ARHGAP24: variants seen among roughly 807,000 people sequenced by gnomAD.
ARHGAP24 encodes rho GTPase-activating protein 24.
Under a neutral mutation model 76.4 loss-of-function variants are expected in ARHGAP24, and 50 were observed. The ratio of observed to expected loss-of-function variants is 0.65; its 90% CI spans 0.52 to 0.83. ARHGAP24 has a LOEUF of 0.83. ARHGAP24 is among the 40% of genes least tolerant of loss of function. The pLI is 0.00. For missense variants in ARHGAP24, 930 were observed against 914.2 expected, an observed-to-expected ratio of 1.02 and a Z score of -0.22; for synonymous variants, 345 against 323.3, an observed-to-expected ratio of 1.07 and a Z score of -0.72.
chr4:85,859,232 C>CAT (rs1394167426), intron 3 of ARHGAP24, among the ~76,000 whole-genome samples: 1 of 151,620 alleles, frequency 6.6e-6, no homozygotes, highest in East Asian at 1.9e-4. Flanking sequence ...CACACACACA[C>CAT]ACACACACAC....
chr4:85,626,534 G>C (rs1167576334), intron 2 of ARHGAP24, among the ~76,000 whole-genome samples: 1 of 152,118 alleles, frequency 6.6e-6, no homozygotes, highest in East Asian at 1.9e-4. Flanking sequence ...CAACTTTGGT[G>C]AATCTGACAA....
At chr4:85,724,703 T>A (rs191382632) in intron 3 of ARHGAP24, among the ~76,000 whole-genome samples, 5 of 152,252 alleles carry the variant, frequency 3.3e-5, no homozygotes, top group Non-Finnish European at 5.9e-5. Flanking sequence ...TATTTTAGGC[T>A]TTTGTAAAAA....
intron 2 of ARHGAP24, chr4:85,686,518 A>G (rs539024254): frequency 6.6e-6 from 1 of 152,302 alleles, no homozygotes; most frequent in South Asian, 2.1e-4. Flanking sequence ...TTTTAATTAA[A>G]TCTTCCAAAT....
intron 3 of ARHGAP24, among the ~76,000 whole-genome samples, chr4:85,914,582 A>G (rs996988574): frequency 2.6e-5 from 4 of 152,150 alleles, no homozygotes; most frequent in African/African-American, 9.7e-5. Context: ...ATAATTTCAC[A>G]TTTCTTCCCC....
intron 3 of ARHGAP24, among the ~76,000 whole-genome samples, chr4:85,725,253 T>A (rs1725124197): frequency 6.6e-6 from 1 of 152,222 alleles, no homozygotes; most frequent in Non-Finnish European, 1.5e-5. Flanking sequence ...CTTTTTACTG[T>A]ATACCTAACA....
intron 3 of ARHGAP24, among the ~76,000 whole-genome samples, chr4:85,878,922 G>A (rs534994633): frequency 6.6e-6 from 1 of 152,266 alleles, no homozygotes; most frequent in South Asian, 2.1e-4. Flanking sequence ...TGAAAGCTTT[G>A]AAGGAATTGT....
At chr4:85,844,135 T>C (rs997430420) in intron 3 of ARHGAP24, among the ~76,000 whole-genome samples, 5 of 152,246 alleles carry the variant, frequency 3.3e-5, no homozygotes, top group African/African-American at 1.2e-4. Context: ...ATGTCTTTAT[T>C]AGTATTGTTA....
intron 2 of ARHGAP24, among the ~76,000 whole-genome samples, chr4:85,698,938 G>T (rs760014061): frequency 6.6e-6 from 1 of 152,076 alleles, no homozygotes; most frequent in Non-Finnish European, 1.5e-5. Flanking sequence ...ATTGAAATGT[G>T]TGTGGTACCA....
At chr4:85,512,201 T>A (rs1724313635) in intron 1 of ARHGAP24, among the ~76,000 whole-genome samples, 2 of 152,234 alleles carry the variant, frequency 1.3e-5, no homozygotes, top group African/African-American at 4.8e-5. Context: ...CTATGTGACC[T>A]TTGTCAAATT....
chr4:85,648,617 A>G (rs1300133478), intron 2 of ARHGAP24, among the ~76,000 whole-genome samples: 1 of 152,138 alleles, frequency 6.6e-6, no homozygotes, highest in Non-Finnish European at 1.5e-5. Flanking sequence ...TTATCATCAC[A>G]AATCATAAAC....
intron 2 of ARHGAP24, among the ~76,000 whole-genome samples, chr4:85,600,751 A>G (rs1720002830): frequency 6.6e-6 from 1 of 152,222 alleles, no homozygotes; most frequent in Admixed American, 6.5e-5. Flanking sequence ...TCATGCAAGG[A>G]ATACGTAATA....
intron 3 of ARHGAP24, among the ~76,000 whole-genome samples, chr4:85,758,254 G>A (rs1414135684): frequency 6.6e-6 from 1 of 152,192 alleles, no homozygotes; most frequent in African/African-American, 2.4e-5. Context: ...CCTGAAGATA[G>A]CCGTGTACCT....
rs568209059 is a variant in ARHGAP24 at position 85,702,685 on chromosome 4, A to T, written c.181-19200A>T. 2.6e-5 allele frequency among the ~76,000 whole-genome samples: 4 copies of T among 152,110 alleles called. No homozygotes were observed. In the South Asian group the frequency reaches 6.2e-4, roughly 24 times the overall value. On this transcript the variant is annotated intron_variant, in intron 2 of 9. Coordinates refer to ENST00000395184, the MANE Select transcript of ARHGAP24 (RefSeq NM_001025616.3). ...GTATAAATGTTGTCTTCTGTTTTGC[A>T]TTCGTTCGCCCTGGGGTTTGTGAGT...
chr4:85,854,527 A>G (rs963319745), intron 3 of ARHGAP24, among the ~76,000 whole-genome samples: 1 of 152,236 alleles, frequency 6.6e-6, no homozygotes, highest in Non-Finnish European at 1.5e-5. Flanking sequence ...TGAAAGTGAT[A>G]TTAAACATTA....
intron 1 of ARHGAP24, among the ~76,000 whole-genome samples, chr4:85,506,896 T>TC (rs1408621063): frequency 9.6e-4 from 9 of 9,398 alleles, no homozygotes; most frequent in Middle Eastern, 0.056. Context: ...CTAAGCCTTT[T>TC]TTTTTCCCCC....
chr4:85,515,278 G>A (rs905801843), intron 1 of ARHGAP24, among the ~76,000 whole-genome samples: 6 of 151,760 alleles, frequency 4.0e-5, no homozygotes, highest in African/African-American at 2.4e-5. Flanking sequence ...ATTTACATGG[G>A]ATAAAAGTAA....
At chr4:85,824,627 T>C (rs781110597) in intron 3 of ARHGAP24, among the ~76,000 whole-genome samples, 2 of 152,058 alleles carry the variant, frequency 1.3e-5, no homozygotes, top group Non-Finnish European at 2.9e-5. Flanking sequence ...TTCATACTTT[T>C]AAACTTCAGT....
At chr4:85,823,433 T>C (rs1459960143) in intron 3 of ARHGAP24, among the ~76,000 whole-genome samples, 2 of 152,196 alleles carry the variant, frequency 1.3e-5, no homozygotes, top group Non-Finnish European at 2.9e-5. Context: ...CTAGGGGCAT[T>C]GACACTAATG....
chr4:85,554,683 A>G (rs1413505653), intron 1 of ARHGAP24, among the ~76,000 whole-genome samples: 1 of 151,924 alleles, frequency 6.6e-6, no homozygotes, highest in Non-Finnish European at 1.5e-5. Context: ...TTCTTCTTAG[A>G]TGGAGTCTCA....
Sources: allele counts gnomAD v4.1 joint callset (sites outside exome capture counted in the v4.1 genomes callset), GRCh38; gene constraint gnomAD v4.1.1; transcripts MANE v1.5; gene names NCBI Gene and HGNC (gene_info 2026-07-23, HGNC 2026-07-21).